The following CHORDC1 variants were observed in gnomAD, a reference collection of about 807,000 sequenced individuals.
The protein encoded by CHORDC1 is cysteine and histidine rich domain containing 1.
A neutral mutation model predicts 48.3 loss-of-function variants in CHORDC1; 25 were observed. The ratio of observed to expected loss-of-function variants is 0.52; its 90% CI spans 0.38 to 0.72. The LOEUF is 0.72. CHORDC1 is among the 30% of genes least tolerant of loss of function. The pLI is 0.00. For missense variants in CHORDC1, 317 were observed against 388.7 expected, an observed-to-expected ratio of 0.82 and a Z score of 1.55; for synonymous variants, 128 against 126.4, an observed-to-expected ratio of 1.01 and a Z score of -0.09.
At chr11:90,208,169 C>G (rs866394886) in intron 6 of CHORDC1, 2 of 152,136 alleles carry the variant, frequency 1.3e-5, no homozygotes, top group African/African-American at 4.8e-5. Context: ...GGTGGCTTCA[C>G]GCCTGTAATT....
At position 90,218,147 on chromosome 11, in the gene CHORDC1, G is replaced by T. The variant is rs146907011; in HGVS notation, c.102C>A (p.His34Gln). Residue 34 changes from histidine (H) to glutamine (Q), a missense_variant, in exon 2 of 11, where the codon CAC becomes CAA. Physicochemically the swap from His to Gln is conservative, Grantham distance 24. Coordinates refer to ENST00000320585, the MANE Select transcript of CHORDC1 (RefSeq NM_012124.3). ...CTYHPGVPVF[H>Q]DALKGWSCCK... Reference sequence around the variant, plus strand: ...ATATAGTTCCTACCTTTAATGCATCGTGAAAGACCGGAACACCTGGGTGGT... The same window carrying T: ...ATATAGTTCCTACCTTTAATGCATCTTGAAAGACCGGAACACCTGGGTGGT... 6.4e-7 allele frequency: 1 copy of T among 1,573,890 alleles called. No homozygotes were observed. Among genetic ancestry groups the T allele is most frequent in the South Asian group, 1.2e-5 (1 of 83,592 alleles).
intron 4 of CHORDC1, chr11:90,212,775 G>T (rs1304661894): frequency 1.3e-5 from 2 of 150,372 alleles, no homozygotes; most frequent in East Asian, 3.9e-4. Flanking sequence ...GCAACTACAT[G>T]AGCACACCAC....
At chr11:90,206,386 T>TA in intron 6 of CHORDC1, 114 bp from the exon 7 acceptor site, 2 of 645,192 alleles carry the variant, frequency 3.1e-6, no homozygotes, top group Non-Finnish European at 5.6e-6. Context: ...AAATGACAAT[T>TA]ACCTAGAAAA....
chr11:90,221,075 A>G (rs1413539955), intron 1 of CHORDC1, among the ~76,000 whole-genome samples: 1 of 152,146 alleles, frequency 6.6e-6, no homozygotes, highest in Non-Finnish European at 1.5e-5. Flanking sequence ...GAGCACGGTA[A>G]TTATGCCACA....
Position 90,212,775 on chromosome 11 carries a change from G to A in CHORDC1, c.329+1243C>T, listed in dbSNP as rs1304661894. 2 of 150,372 alleles carry A rather than the reference G, an allele frequency of 1.3e-5. 1 individual carries two copies. Among genetic ancestry groups the A allele is most frequent in the Admixed American group, 1.3e-4 (2 of 14,916 alleles). 9.3% of individuals were successfully genotyped at this position (150,372 alleles called of 1,614,324 possible). A position where few individuals can be genotyped will look rare whatever the true frequency, so the allele number is the denominator to read the frequency against. On this transcript the variant is annotated intron_variant, in intron 4 of 10. Transcript: ENST00000320585. ...TCAGCCTGAGTAGCTGCAACTACAT[G>A]AGCACACCACCAAACCCAGCTAATT...
At chr11:90,210,709 C>T in intron 5 of CHORDC1, 115 bp from the exon 6 acceptor site, 1 of 665,218 alleles carries the variant, frequency 1.5e-6, no homozygotes, top group Non-Finnish European at 2.6e-6. Context: ...ACGACTGTGA[C>T]TAGGATTTGC....
At chr11:90,210,477 C>T (rs1857828981) in intron 6 of CHORDC1, 59 bp downstream of exon 6, 3 of 1,066,958 alleles carry the variant, frequency 2.8e-6, no homozygotes, top group Non-Finnish European at 1.4e-6. Context: ...CAGCAAACTG[C>T]ACTTTCCTCA....
intron 4 of CHORDC1, chr11:90,211,968 G>C (rs571507146): frequency 6.6e-6 from 1 of 152,114 alleles, no homozygotes. Flanking sequence ...CTATATCCTC[G>C]ATGAAAAAAC....
rs1229047692 is a variant in CHORDC1, at chr11:90,214,056, A to C, written c.291T>G (p.Ile97Met). Residue 97 changes from isoleucine (I) to methionine (M), a missense_variant, in exon 4 of 11, where the codon ATT becomes ATG. By Grantham distance (10) the Ile-to-Met change is conservative. Coordinates refer to ENST00000320585, the MANE Select transcript of CHORDC1 (RefSeq NM_012124.3). ...TTGCTTCTACTGGCTTAGGGGCTTG[A>C]ATGATGTGTTCCTGAAATTTGGGTT... ...ELKPKFQEHI[I>M]QAPKPVEAIK... is the part of the protein sequence containing the mutation. The C allele has an allele frequency of 6.2e-7, 1 of 1,613,376 alleles. No homozygotes were observed. The highest frequency in any genetic ancestry group is 1.1e-5 in the South Asian group (1 of 91,028).
At chr11:90,207,412 G>A (rs960300060) in intron 6 of CHORDC1, 10 of 152,204 alleles carry the variant, frequency 6.6e-5, no homozygotes, top group African/African-American at 2.4e-4. Flanking sequence ...AACACTCACA[G>A]CCCTGAAGTA....
At chr11:90,212,538 G>A (rs191317645) in intron 4 of CHORDC1, 97 of 152,164 alleles carry the variant, frequency 6.4e-4, no homozygotes, top group African/African-American at 2.1e-3. Context: ...GAGCCCAGGA[G>A]TTAAAGGCTG....
Position 90,206,237 on chromosome 11 carries a change from A to G in CHORDC1, c.528T>C (p.Cys176=), listed in dbSNP as rs767304065. Residue 176 remains cysteine, a synonymous_variant, in exon 7 of 11, where the codon TGT becomes TGC. Coordinates refer to ENST00000320585, the MANE Select transcript of CHORDC1 (RefSeq NM_012124.3). ...AAATAGGTACTCCAGAATGATATAC[A>G]CAGACTTCTTCTAGACTCTCTAGAC... ...YQGLESLEEV[C]VYHSGVPIFH... 151 of 1,576,666 alleles carry G rather than the reference A, an allele frequency of 9.6e-5. No homozygotes were observed. Among genetic ancestry groups the G allele is most frequent in the Non-Finnish European group, 1.3e-4 (145 of 1,146,116 alleles).
chr11:90,216,189 A>G (rs1463440612), intron 2 of CHORDC1, among the ~76,000 whole-genome samples: 2 of 152,146 alleles, frequency 1.3e-5, no homozygotes, highest in African/African-American at 4.8e-5. Context: ...GTTATTCTAT[A>G]AGAGAAAAAG....
intron 1 of CHORDC1, among the ~76,000 whole-genome samples, chr11:90,220,490 A>T (rs1441862488): frequency 6.6e-6 from 1 of 152,202 alleles, no homozygotes; most frequent in Admixed American, 6.5e-5. Context: ...GTATTTTCAA[A>T]CACCAAATTT....
At chr11:90,217,965 T>G in intron 2 of CHORDC1, 170 bp downstream of exon 2, 1 of 429,364 alleles carries the variant, frequency 2.3e-6, no homozygotes, top group Non-Finnish European at 4.2e-6. Context: ...GATCATCATC[T>G]ACTGTCTTTT....
intron 1 of CHORDC1, among the ~76,000 whole-genome samples, chr11:90,221,160 A>T (rs904534575): frequency 1.3e-5 from 2 of 152,130 alleles, no homozygotes; most frequent in Non-Finnish European, 2.9e-5. Context: ...GGCTTACGCA[A>T]AATGGAACTT....
rs757733387 is a variant in CHORDC1 at position 90,222,895 on chromosome 11, G to A, written c.60C>T (p.Ser20=). The part of the protein sequence containing the change: ...CGQRFDPETN[S]DDACTYHPGV... ...CTGGCGGCGCGTTCCTCTTACCGTC[G>A]GAATTGGTCTCAGGATCGAAGCGCT... The change falls in exon 1 of 11, where the codon TCC becomes TCT. Residue 20 remains serine, a synonymous_variant. Transcript: ENST00000320585. 2.5e-6 allele frequency: 4 copies of A among 1,613,970 alleles called. No homozygotes were observed. The highest frequency in any genetic ancestry group is 3.4e-6 in the Non-Finnish European group (4 of 1,179,868).
chr11:90,218,979 A>C (rs1858091243), intron 1 of CHORDC1, among the ~76,000 whole-genome samples: 1 of 151,166 alleles, frequency 6.6e-6, no homozygotes, highest in South Asian at 2.1e-4. Context: ...AAAAAATAGA[A>C]GTCTAGGTGG....
intron 1 of CHORDC1, among the ~76,000 whole-genome samples, chr11:90,220,753 G>A (rs1275799155): frequency 6.6e-6 from 1 of 152,070 alleles, no homozygotes; most frequent in Non-Finnish European, 1.5e-5. Flanking sequence ...TTTTATGGGT[G>A]AGAAGCTACA....
Sources: gnomAD v4.1 joint callset for allele counts (sites outside exome capture counted in the v4.1 genomes callset) on GRCh38, gnomAD v4.1.1 for gene constraint, MANE v1.5 for transcripts, NCBI Gene and HGNC (gene_info 2026-07-23, HGNC 2026-07-21) for gene names.